ZDHHC13: variants seen among roughly 807,000 people sequenced by gnomAD.
The protein encoded by ZDHHC13 is zDHHC palmitoyltransferase 13.
In ZDHHC13, 85 loss-of-function variants were observed where a neutral mutation model predicts 86.0. That is an observed-to-expected ratio of 0.99 (90% CI 0.83 to 1.18). ZDHHC13 has a LOEUF of 1.18. Among genes scored for constraint, ZDHHC13 ranks in the 50% most tolerant of loss-of-function variants. ZDHHC13 has a pLI of 0.00. For synonymous variants in ZDHHC13, 263 were observed against 246.4 expected, an observed-to-expected ratio of 1.07 and a Z score of -0.63; for missense variants, 711 against 730.2, an observed-to-expected ratio of 0.97 and a Z score of 0.30.
chr11:19,135,181 G>A (rs886675012), intron 1 of ZDHHC13, among the ~76,000 whole-genome samples: 1 of 152,228 alleles, frequency 6.6e-6, no homozygotes, highest in African/African-American at 2.4e-5. Context: ...TCACTAGGGA[G>A]TGCCAGACAG....
At chr11:19,155,997 G>A in intron 9 of ZDHHC13, 68 bp downstream of exon 9, 3 of 1,493,904 alleles carry the variant, frequency 2.0e-6, no homozygotes, top group East Asian at 2.3e-5. Flanking sequence ...TCTGTTGTTG[G>A]TTAGCTGGAG....
intron 2 of ZDHHC13, among the ~76,000 whole-genome samples, chr11:19,145,178 T>G (rs1195938082): frequency 2.0e-5 from 3 of 152,162 alleles, no homozygotes; most frequent in African/African-American, 7.2e-5. Context: ...TTTTTAATGC[T>G]ATAATTTCTC....
At chr11:19,140,967 A>G (rs1849302388) in intron 1 of ZDHHC13, among the ~76,000 whole-genome samples, 1 of 151,428 alleles carries the variant, frequency 6.6e-6, no homozygotes, top group Admixed American at 6.6e-5. Context: ...CCTAATGTAG[A>G]TGATGAGTTA....
chr11:19,171,016 C>G (rs1322935736), intron 15 of ZDHHC13, among the ~76,000 whole-genome samples: 2 of 152,182 alleles, frequency 1.3e-5, no homozygotes, highest in African/African-American at 4.8e-5. Context: ...AACTGTAAAC[C>G]ATCATGCAAA....
chr11:19,166,828 CTG>C (rs1850085471), intron 14 of ZDHHC13: 1 of 153,328 alleles, frequency 6.5e-6, no homozygotes, highest in Non-Finnish European at 1.4e-5. Context: ...CAAGTTGAAA[CTG>C]AGAACTGATG....
At position 19,152,242 on chromosome 11, in the gene ZDHHC13, G is replaced by C; in HGVS notation, c.669G>C (p.Trp223Cys). Residue 223 changes from tryptophan to cysteine, a missense_variant, in exon 7 of 17, where the codon TGG (tryptophan) becomes TGC (cysteine). Coordinates refer to ENST00000446113, the MANE Select transcript of ZDHHC13 (RefSeq NM_019028.3). ...DKIHQNTPLH[W>C]AVAAGNVNAV... The stretch of plus-strand genomic sequence containing the variant: ...TACACCAAAACACTCCACTTCACTG[G>C]GCAGTTGCAGCAGGAAATGTTAATG... 6.2e-7 allele frequency: 1 copy of C among 1,613,318 alleles called. No homozygotes were observed. Among genetic ancestry groups the C allele is most frequent in the East Asian group, 2.2e-5 (1 of 44,834 alleles).
At chr11:19,171,683 TTATC>T (rs1242037148) in intron 15 of ZDHHC13, among the ~76,000 whole-genome samples, 1 of 152,234 alleles carries the variant, frequency 6.6e-6, no homozygotes, top group African/African-American at 2.4e-5. Context: ...TTGTTTCTAA[TTATC>T]TTTCTTTTTT....
rs184280863 is a variant in ZDHHC13, at chr11:19,155,948, G to T, written c.1007+19G>T. On this transcript the variant is annotated intron_variant, in intron 9 of 16. Transcript: ENST00000446113. ...TTCCAAGGTGTGTATGTTAATTTTTGCAAGGCTGGTTATTGTGTTTCTGAT... is the reference window on the plus strand; with the variant it reads ...TTCCAAGGTGTGTATGTTAATTTTTTCAAGGCTGGTTATTGTGTTTCTGAT... The T allele has an allele frequency of 3.2e-6, 5 of 1,586,300 alleles. No individual in the cohort carries two copies. In the African/African-American group the frequency reaches 5.5e-5, roughly 17 times the overall value.
intron 2 of ZDHHC13, among the ~76,000 whole-genome samples, chr11:19,144,079 A>G (rs986589839): frequency 6.6e-6 from 1 of 152,216 alleles, no homozygotes; most frequent in Non-Finnish European, 1.5e-5. Context: ...ATTAAAAAAT[A>G]TATTGACAAT....
chr11:19,154,511 G>A lies in ZDHHC13; in HGVS notation c.874-1285G>A, dbSNP rs575623782. ...AGAGAGGTGAAAATGGAGGAAGAAAGAAGGAAGCCCTGCTTACTTTCAAGG... is the reference window on the plus strand; with the variant it reads ...AGAGAGGTGAAAATGGAGGAAGAAAAAAGGAAGCCCTGCTTACTTTCAAGG... On this transcript the variant is annotated intron_variant, in intron 8 of 16. Coordinates refer to ENST00000446113, the MANE Select transcript of ZDHHC13 (RefSeq NM_019028.3). Among the ~76,000 whole-genome samples, 177 of 152,280 alleles carry A rather than the reference G, an allele frequency of 1.2e-3. 4 individuals are homozygous for A. Among genetic ancestry groups the A allele is most frequent in the Admixed American group, 2.2e-3 (33 of 15,292 alleles).
At position 19,176,016 on chromosome 11, in the gene ZDHHC13, G is replaced by A. The variant is rs945545309; in HGVS notation, c.*56G>A. On this transcript the variant is annotated 3_prime_UTR_variant, in exon 17 of 17. Coordinates refer to ENST00000446113, the MANE Select transcript of ZDHHC13 (RefSeq NM_019028.3). ...TTGTTTTTGTTTATGTCGATGCCCT[G>A]TAGTTTGAAAGTGAAGTAAAGATTT... 63 of 1,535,334 alleles carry A rather than the reference G, an allele frequency of 4.1e-5. No homozygotes were observed. Among genetic ancestry groups the A allele is most frequent in the Non-Finnish European group, 5.1e-5 (58 of 1,144,766 alleles).
chr11:19,163,214 A>C (rs1037817350), intron 10 of ZDHHC13, 89 bp from the exon 11 acceptor site: 2 of 1,401,212 alleles, frequency 1.4e-6, no homozygotes, highest in Non-Finnish European at 9.5e-7. Context: ...GGAAGGTGAG[A>C]TTCTTAGGTG....
intron 4 of ZDHHC13, 67 bp from the exon 5 acceptor site, chr11:19,149,119 AT>A: frequency 7.6e-7 from 1 of 1,316,266 alleles, no homozygotes; most frequent in Non-Finnish European, 9.9e-7. Flanking sequence ...TCTTAGGAAT[AT>A]CAGTCTCTCC....
chr11:19,117,350 G>T lies in ZDHHC13; in HGVS notation c.27+74G>T, dbSNP rs1848666705. On this transcript the variant is annotated intron_variant, in intron 1 of 16. Coordinates refer to ENST00000446113, the MANE Select transcript of ZDHHC13 (RefSeq NM_019028.3). This position sits in a 1 kb window ranked among gnomAD's most constrained non-coding sequence, Gnocchi z 4.2. The stretch of plus-strand genomic sequence containing the variant: ...CAGCTGTGGAGGAAAGGATGGTGTG[G>T]GTGAGAGGCCGCTCGATGAGGGGGT... 7.3e-7 allele frequency: 1 copy of T among 1,371,524 alleles called. No homozygotes were observed. The highest frequency in any genetic ancestry group is 9.5e-7 in the Non-Finnish European group (1 of 1,054,806). 85.0% of individuals were successfully genotyped at this position (1,371,524 alleles called of 1,614,324 possible).
At chr11:19,138,644 C>T (rs1472213393) in intron 1 of ZDHHC13, among the ~76,000 whole-genome samples, 3 of 149,792 alleles carry the variant, frequency 2.0e-5, no homozygotes, top group Non-Finnish European at 4.5e-5. Flanking sequence ...CCTTGATGAA[C>T]ATTGATGCAA....
Position 19,166,293 on chromosome 11 carries a change from T to C in ZDHHC13, c.1391-9T>C, listed in dbSNP as rs894014824. On this transcript the variant is annotated splice_polypyrimidine_tract_variant and intron_variant, in intron 13 of 16. Transcript: ENST00000446113. ...AATATTAAGTATGTTTTTTTTCTTTTTTCTTGAGGTTTTGGCAACCATCAC... is the reference window on the plus strand; with the variant it reads ...AATATTAAGTATGTTTTTTTTCTTTCTTCTTGAGGTTTTGGCAACCATCAC... 1.3e-6 allele frequency: 2 copies of C among 1,599,770 alleles called. No individual in the cohort carries two copies. Among genetic ancestry groups the C allele is most frequent in the Non-Finnish European group, 1.7e-6 (2 of 1,175,892 alleles).
At chr11:19,170,684 C>T in intron 15 of ZDHHC13, 116 bp downstream of exon 15, 1 of 1,025,168 alleles carries the variant, frequency 9.8e-7, no homozygotes, top group East Asian at 2.7e-5. Flanking sequence ...GTCACTGACT[C>T]TGTGGGTCTA....
upstream of ZDHHC13, chr11:19,117,118 G>A: frequency 2.0e-6 from 2 of 987,784 alleles, no homozygotes; most frequent in South Asian, 2.9e-5. This position sits in a 1 kb window ranked among gnomAD's most constrained non-coding sequence, Gnocchi z 4.2. Flanking sequence ...CTCAGGGCAC[G>A]AGCGGGGACC....
intron 14 of ZDHHC13, 80 bp from the exon 15 acceptor site, chr11:19,170,331 T>A (rs1367021826): frequency 1.4e-6 from 2 of 1,475,280 alleles, no homozygotes; most frequent in Non-Finnish European, 1.8e-6. Flanking sequence ...TATATAGAAC[T>A]GCAGTGATTT....
Sources: gnomAD v4.1 joint callset for allele counts (sites outside exome capture counted in the v4.1 genomes callset) on GRCh38, gnomAD v4.1.1 for gene constraint, Gnocchi (gnomAD v3.1) non-coding constraint, MANE v1.5 for transcripts, NCBI Gene and HGNC (gene_info 2026-07-23, HGNC 2026-07-21) for gene names.